The following ARHGAP20 variants were observed in gnomAD, a reference collection of about 807,000 sequenced individuals.
The protein encoded by ARHGAP20 is rho GTPase-activating protein 20.
Under a neutral mutation model 73.7 loss-of-function variants are expected in ARHGAP20, and 34 were observed. The observed-to-expected ratio is 0.46, with a 90% CI of 0.35 to 0.61. ARHGAP20 has a LOEUF of 0.61. Among genes scored for constraint, ARHGAP20 ranks in the 20% least tolerant of loss-of-function variants. ARHGAP20 has a pLI of 0.00. For missense variants in ARHGAP20, 1,314 were observed against 1,420.9 expected (o/e 0.92, Z 1.21); for synonymous variants, 523 against 518.2 (o/e 1.01, Z -0.13).
intron 4 of ARHGAP20, among the ~76,000 whole-genome samples, chr11:110,617,802 G>A (rs1343808367): frequency 6.6e-6 from 1 of 152,018 alleles, no homozygotes; most frequent in Non-Finnish European, 1.5e-5. Context: ...GACTATCTCT[G>A]CGTTTTATAA....
chr11:110,599,036 G>A (rs1267992967), intron 9 of ARHGAP20, among the ~76,000 whole-genome samples: 4 of 151,108 alleles, frequency 2.6e-5, no homozygotes, highest in Admixed American at 2.6e-4. Flanking sequence ...CTGTGCTCTT[G>A]TGTGGGGACA....
intron 1 of ARHGAP20, among the ~76,000 whole-genome samples, chr11:110,706,576 T>C (rs1236466442): frequency 6.6e-6 from 1 of 152,156 alleles, no homozygotes; most frequent in Non-Finnish European, 1.5e-5. Flanking sequence ...AAACTCAAAC[T>C]CCTTTTGTTG....
rs1591314322 is a variant in ARHGAP20, at chr11:110,611,359, C to G, written c.658G>C (p.Asp220His). ...YSKTITVMNS[D>H]TANEVINMSL... ...ATGTTGATAACTTCATTCGCTGTATCTGAATTCATTACTGTTATAGTTTTA... is the reference window on the plus strand; with the variant it reads ...ATGTTGATAACTTCATTCGCTGTATGTGAATTCATTACTGTTATAGTTTTA... The change falls in exon 7 of 15, where the codon GAT becomes CAT. Residue 220 changes from aspartate (D) to histidine (H), a missense_variant. This residue lies in a region of ARHGAP20 where 443 missense variants were observed against 466.4 expected (regional missense o/e 0.95). Coordinates refer to ENST00000683387, the MANE Select transcript of ARHGAP20 (RefSeq NM_001384657.1). 5 of 1,558,942 alleles carry G rather than the reference C, an allele frequency of 3.2e-6. No individual in the cohort carries two copies. The East Asian group carries it at 1.2e-4, about 37-fold the overall frequency.
At chr11:110,620,605 C>G (rs188771680) in intron 4 of ARHGAP20, among the ~76,000 whole-genome samples, 1 of 152,312 alleles carries the variant, frequency 6.6e-6, no homozygotes, top group Admixed American at 6.5e-5. Flanking sequence ...TCCCTCTTGT[C>G]TTTCACTTCA....
chr11:110,676,479 T>C (rs1354131824), intron 2 of ARHGAP20, among the ~76,000 whole-genome samples: 1 of 152,034 alleles, frequency 6.6e-6, no homozygotes, highest in Non-Finnish European at 1.5e-5. Flanking sequence ...AAGGGAAAAG[T>C]CCCTTATGAA....
chr11:110,632,146 A>G (rs1948872101), intron 2 of ARHGAP20, among the ~76,000 whole-genome samples: 1 of 152,184 alleles, frequency 6.6e-6, no homozygotes, highest in South Asian at 2.1e-4. Context: ...GCTATTAAAC[A>G]TTGGTACTAG....
chr11:110,697,247 CT>C (rs533912315), intron 1 of ARHGAP20, among the ~76,000 whole-genome samples: 31 of 150,816 alleles, frequency 2.1e-4, no homozygotes, highest in Middle Eastern at 3.4e-3. Flanking sequence ...ATGCCAACAA[CT>C]TTTTTTTTGA....
At position 110,592,162 on chromosome 11, in the gene ARHGAP20, A is replaced by G; in HGVS notation, c.965-7T>C. The G allele has an allele frequency of 6.2e-7, 1 of 1,607,092 alleles. No homozygotes were observed. ...AATGTCTTATGACCTGAATCTAAGG[A>G]AGAAGTGAGCTTATTAGAAAAATGA... On this transcript the variant is annotated splice_region_variant and splice_polypyrimidine_tract_variant and intron_variant, in intron 9 of 14. Coordinates refer to ENST00000683387, the MANE Select transcript of ARHGAP20 (RefSeq NM_001384657.1).
At chr11:110,660,259 A>C (rs968096660) in intron 2 of ARHGAP20, among the ~76,000 whole-genome samples, 6 of 152,084 alleles carry the variant, frequency 3.9e-5, no homozygotes, top group Non-Finnish European at 5.9e-5. Context: ...TGGGGCTAGG[A>C]CCACACTTTG....
At chr11:110,687,692 C>G (rs545002069) in intron 2 of ARHGAP20, among the ~76,000 whole-genome samples, 1 of 152,100 alleles carries the variant, frequency 6.6e-6, no homozygotes, top group Non-Finnish European at 1.5e-5. Context: ...ATGAAATTCA[C>G]AGGTATTTTT....
intron 11 of ARHGAP20, among the ~76,000 whole-genome samples, chr11:110,586,778 A>C (rs1293068135): frequency 6.6e-6 from 1 of 152,214 alleles, no homozygotes; most frequent in African/African-American, 2.4e-5. Context: ...GCACTATTTA[A>C]GTTGCTAGGG....
chr11:110,627,063 A>C (rs2134944370), intron 3 of ARHGAP20, among the ~76,000 whole-genome samples: 1 of 151,842 alleles, frequency 6.6e-6, no homozygotes, highest in South Asian at 2.1e-4. Context: ...AATCCAATAT[A>C]AACAGACTGA....
chr11:110,690,405 G>GT, intron 2 of ARHGAP20, 142 bp downstream of exon 2: 1 of 757,986 alleles, frequency 1.3e-6, no homozygotes. Flanking sequence ...AACAAAAGTT[G>GT]TATTTTCTAC....
chr11:110,701,961 T>C (rs1471410594), intron 1 of ARHGAP20, among the ~76,000 whole-genome samples: 1 of 152,208 alleles, frequency 6.6e-6, no homozygotes, highest in African/African-American at 2.4e-5. Flanking sequence ...TGGGTACCAG[T>C]ACCATGCTGT....
rs1333779415 is a variant in ARHGAP20, at chr11:110,690,732, TTGTC to T, written c.106-107_106-104del. ...TTAACAAGTTTTGCATTGCCTATCT[TTGTC>T]TGTCAAGGAGCCTACAGTTTCATTA... On this transcript the variant is annotated intron_variant, in intron 1 of 14. Transcript: ENST00000683387. The T allele has an allele frequency of 5.2e-6, 6 of 1,143,568 alleles. No homozygotes were observed. In the African/African-American group the frequency reaches 6.1e-5, roughly 12 times the overall value. The allele number at this position is 1,143,568 out of a possible 1,614,324, so 70.8% of individuals were successfully genotyped here.
At chr11:110,681,003 G>T (rs1245886896) in intron 2 of ARHGAP20, among the ~76,000 whole-genome samples, 1 of 152,046 alleles carries the variant, frequency 6.6e-6, no homozygotes, top group African/African-American at 2.4e-5. Context: ...AAAAAAGTGG[G>T]GTTTTGCAGG....
At chr11:110,651,439 GT>G (rs796651019) in intron 2 of ARHGAP20, among the ~76,000 whole-genome samples, 70 of 150,904 alleles carry the variant, frequency 4.6e-4, no homozygotes, top group African/African-American at 1.2e-3. Context: ...TCCAGGAGCT[GT>G]TTTTTTTTAA....
At chr11:110,621,480 C>T (rs1478161003) in intron 4 of ARHGAP20, among the ~76,000 whole-genome samples, 1 of 151,810 alleles carries the variant, frequency 6.6e-6, no homozygotes, top group Non-Finnish European at 1.5e-5. Flanking sequence ...TCAGATTACA[C>T]AATTTGTATT....
At chr11:110,693,730 TA>T (rs1296914382) in intron 1 of ARHGAP20, among the ~76,000 whole-genome samples, 1 of 151,956 alleles carries the variant, frequency 6.6e-6, no homozygotes, top group Non-Finnish European at 1.5e-5. Context: ...TGTTTACAAC[TA>T]TGTGAAATAC....
Sources: gnomAD v4.1 joint callset for allele counts (sites outside exome capture counted in the v4.1 genomes callset) on GRCh38, gnomAD v4.1.1 for gene constraint, gnomAD v4.1.1 regional missense constraint, MANE v1.5 for transcripts, NCBI Gene and HGNC (gene_info 2026-07-23, HGNC 2026-07-21) for gene names.